TCF4: variants seen among roughly 807,000 people sequenced by gnomAD.
The protein encoded by TCF4 is SL3-3 enhancer factor 2.
A neutral mutation model predicts 82.1 loss-of-function variants in TCF4; 3 were observed. That is an observed-to-expected ratio of 0.04 (90% CI 0.02 to 0.09). The LOEUF is 0.09. Ranked by LOEUF, TCF4 falls within the 10% of genes least tolerant of loss-of-function variation. The pLI is 1.00. For synonymous variants in TCF4, 276 were observed against 309.6 expected (o/e 0.89, Z 1.14); for missense variants, 518 against 852.7 (o/e 0.61, Z 4.89).
At chr18:55,442,330 A>G (rs2095452557) in intron 5 of TCF4, among the ~76,000 whole-genome samples, 1 of 152,212 alleles carries the variant, frequency 6.6e-6, no homozygotes, top group Non-Finnish European at 1.5e-5. Flanking sequence ...CTTCAATTTG[A>G]TTTTTAAAAC....
chr18:55,302,366 C>G (rs1001907608), intron 8 of TCF4: 34 of 1,504,936 alleles, frequency 2.3e-5, no homozygotes, highest in Non-Finnish European at 3.0e-5. Context: ...CAAGAGGTGT[C>G]AAGTCAGGCA....
At chr18:55,313,600 T>C (rs1367387799) in intron 8 of TCF4, among the ~76,000 whole-genome samples, 1 of 152,154 alleles carries the variant, frequency 6.6e-6, no homozygotes, top group Non-Finnish European at 1.5e-5. Context: ...TTTATTCTAC[T>C]GGCTGAAGAA....
chr18:55,385,389 T>A (rs2092497505), intron 6 of TCF4, among the ~76,000 whole-genome samples: 1 of 152,142 alleles, frequency 6.6e-6, no homozygotes, highest in African/African-American at 2.4e-5. Flanking sequence ...AAAGAAAACC[T>A]CCAAATGTTT....
intron 8 of TCF4, chr18:55,321,959 C>T (rs2075597428): frequency 1.5e-6 from 2 of 1,332,478 alleles, no homozygotes; most frequent in Admixed American, 3.3e-5. Flanking sequence ...GAAGGCAGCC[C>T]GGCCCTGATG....
At chr18:55,572,878 AC>A (rs1210560458) in intron 3 of TCF4, among the ~76,000 whole-genome samples, 1 of 152,082 alleles carries the variant, frequency 6.6e-6, no homozygotes, top group Non-Finnish European at 1.5e-5. Context: ...ACACGGAGAA[AC>A]CCTGTCTCTA....
intron 3 of TCF4, among the ~76,000 whole-genome samples, chr18:55,465,293 C>T (rs1483004250): frequency 1.3e-5 from 2 of 151,986 alleles, no homozygotes; most frequent in African/African-American, 4.8e-5. Context: ...TTATTATCAG[C>T]AGAAGTAATC....
At chr18:55,392,546 C>T (rs1016907039) in intron 6 of TCF4, among the ~76,000 whole-genome samples, 3 of 151,594 alleles carry the variant, frequency 2.0e-5, no homozygotes, top group Non-Finnish European at 2.9e-5. Context: ...CATATTTATC[C>T]GTGACTTGAT....
At chr18:55,241,184 G>C (rs940390573) in intron 15 of TCF4, among the ~76,000 whole-genome samples, 1 of 152,212 alleles carries the variant, frequency 6.6e-6, no homozygotes, top group Non-Finnish European at 1.5e-5. Context: ...GCAAACGGAT[G>C]TGAGCCGACC....
At chr18:55,347,096 T>A (rs1332718399) in intron 8 of TCF4, among the ~76,000 whole-genome samples, 1 of 152,056 alleles carries the variant, frequency 6.6e-6, no homozygotes, top group Non-Finnish European at 1.5e-5. Context: ...AATGTAGAAA[T>A]CTAGCAAAAC....
At chr18:55,443,036 G>T (rs2095467586) in intron 5 of TCF4, among the ~76,000 whole-genome samples, 1 of 152,228 alleles carries the variant, frequency 6.6e-6, no homozygotes, top group Non-Finnish European at 1.5e-5. Context: ...GTCTGTAGCT[G>T]CAAAGTGTGC....
chr18:55,625,976 G>A (rs557698071), intron 2 of TCF4, among the ~76,000 whole-genome samples: 27 of 152,174 alleles, frequency 1.8e-4, no homozygotes, highest in South Asian at 4.1e-4. Flanking sequence ...TAGTATTTCC[G>A]TCCCTTTCCT....
chr18:55,429,782 A>AC (rs1210889790), intron 5 of TCF4, among the ~76,000 whole-genome samples: 6 of 151,000 alleles, frequency 4.0e-5, no homozygotes, highest in African/African-American at 1.5e-4. Flanking sequence ...AAAAAAAAAA[A>AC]AAAAAAACAA....
intron 15 of TCF4, among the ~76,000 whole-genome samples, chr18:55,251,148 C>T (rs1222386238): frequency 2.0e-5 from 3 of 151,998 alleles, no homozygotes; most frequent in Non-Finnish European, 4.4e-5. Context: ...ATAAGGCTTT[C>T]GGTAAATGGT....
intron 8 of TCF4, among the ~76,000 whole-genome samples, chr18:55,345,406 C>T (rs1197426542): frequency 6.6e-6 from 1 of 152,022 alleles, no homozygotes; most frequent in Admixed American, 6.6e-5. Context: ...TCAGCTTTCA[C>T]TGTTCCCCAT....
chr18:55,403,678 C>T (rs1718348419), intron 5 of TCF4, 160 bp from the exon 6 acceptor site: 1 of 1,564,584 alleles, frequency 6.4e-7, no homozygotes, highest in Non-Finnish European at 8.7e-7. Flanking sequence ...CACTTCCTCA[C>T]TCTGGCTATG....
intron 2 of TCF4, among the ~76,000 whole-genome samples, chr18:55,598,619 A>G (rs2097693632): frequency 1.3e-5 from 2 of 152,224 alleles, no homozygotes; most frequent in African/African-American, 4.8e-5. Context: ...AAGCTACTGC[A>G]GTTCACTTAA....
At chr18:55,297,006 TTC>T (rs969915469) in intron 8 of TCF4, among the ~76,000 whole-genome samples, 2 of 152,140 alleles carry the variant, frequency 1.3e-5, no homozygotes, top group Non-Finnish European at 2.9e-5. Context: ...TTCTCAGCAC[TTC>T]TCTCTATTTT....
At chr18:55,277,521 T>C (rs1165070415) in intron 9 of TCF4, among the ~76,000 whole-genome samples, 3 of 152,150 alleles carry the variant, frequency 2.0e-5, no homozygotes, top group Non-Finnish European at 4.4e-5. Context: ...CATCCCATGA[T>C]CTTGGCATAA....
intron 3 of TCF4, among the ~76,000 whole-genome samples, chr18:55,499,326 C>T (rs17596974): frequency 0.036 from 5,463 of 152,218 alleles, 139 homozygotes; most frequent in South Asian, 0.095. Context: ...TCTGATACAA[C>T]GTGAGAGCCT....
Sources: allele counts gnomAD v4.1 joint callset (sites outside exome capture counted in the v4.1 genomes callset), GRCh38; gene constraint gnomAD v4.1.1; transcripts MANE v1.5; gene names NCBI Gene and HGNC (gene_info 2026-07-23, HGNC 2026-07-21).